The following SORT1 variants were observed in gnomAD, a reference collection of about 807,000 sequenced individuals.
The protein encoded by SORT1 is sortilin 1.
In SORT1, 39 loss-of-function variants were observed where a neutral mutation model predicts 101.7. The observed-to-expected ratio is 0.38, with a 90% CI of 0.30 to 0.50. The LOEUF (loss-of-function observed/expected upper bound fraction) is 0.50. Among genes scored for constraint, SORT1 ranks in the 20% least tolerant of loss-of-function variants. The pLI is 0.90. For missense variants in SORT1, 878 were observed against 1,040.4 expected (o/e 0.84, Z 2.15); for synonymous variants, 396 against 393.7 (o/e 1.01, Z -0.07).
intron 3 of SORT1, chr1:109,367,096 G>A (rs567070770): frequency 5.0e-5 from 11 of 219,570 alleles, no homozygotes; most frequent in Non-Finnish European, 8.9e-5. Flanking sequence ...GCATGGTAGC[G>A]TGTGCCTGCA....
chr1:109,322,927 G>A lies in SORT1; in HGVS notation c.2024+5C>T, dbSNP rs1212271545. On this transcript the variant is annotated splice_donor_5th_base_variant and intron_variant, in intron 15 of 19. Coordinates refer to ENST00000256637, the MANE Select transcript of SORT1 (RefSeq NM_002959.7). ...GAGACAGAGAAATCTGAGGAATGCT[G>A]ATACCAGAGAAAGTCCTCCAGGGAA... 3 of 1,607,460 alleles carry A rather than the reference G, an allele frequency of 1.9e-6. No individual in the cohort carries two copies. Among genetic ancestry groups the A allele is most frequent in the Non-Finnish European group, 2.6e-6 (3 of 1,175,164 alleles).
At position 109,393,336 on chromosome 1, in the gene SORT1, T is replaced by G. The variant is rs1186895568; in HGVS notation, c.306+4251A>C. On this transcript the variant is annotated intron_variant, in intron 1 of 19. Transcript: ENST00000256637. ...AGGACAGAAAATAAGCAAGAGTTCC[T>G]GGCTTTATTCATCATAAGTTTAAAA... The G allele has an allele frequency of 3.0e-6, 3 of 983,958 alleles. No individual in the cohort carries two copies. In the African/African-American group the frequency reaches 5.2e-5, roughly 17 times the overall value. 61.0% of individuals were successfully genotyped at this position (983,958 alleles called of 1,614,324 possible).
In SORT1 at chr1:109,325,054, T is replaced by C. The variant is rs1458493564; in HGVS notation, c.1679A>G (p.Tyr560Cys). 2 of 1,613,266 alleles carry C rather than the reference T, an allele frequency of 1.2e-6. No individual in the cohort carries two copies. The highest frequency in any genetic ancestry group is 1.7e-5 in the Admixed American group (1 of 59,932). Residue 560 changes from tyrosine to cysteine, a missense_variant, in exon 14 of 20, where the codon TAC becomes TGC. Tyr to Cys is a radical substitution (Grantham distance 194). Coordinates refer to ENST00000256637, the MANE Select transcript of SORT1 (RefSeq NM_002959.7). Reference sequence around the variant, plus strand: ...ATAGATGGGGTCCCTGGTGAACGTGTAGGTTTGCCAGCATTGACCTTCGTC... The same window carrying C: ...ATAGATGGGGTCCCTGGTGAACGTGCAGGTTTGCCAGCATTGACCTTCGTC... ...STDEGQCWQT[Y>C]TFTRDPIYFT... is the part of the protein sequence containing the mutation.
At chr1:109,338,550 CAAG>C (rs1227161680) in intron 10 of SORT1, among the ~76,000 whole-genome samples, 1 of 152,178 alleles carries the variant, frequency 6.6e-6, no homozygotes, top group Admixed American at 6.5e-5. Flanking sequence ...GAGTAGAACA[CAAG>C]AAGAACCCTG....
chr1:109,345,699 G>A (rs1649534743), intron 8 of SORT1, 52 bp downstream of exon 8: 51 of 1,518,150 alleles, frequency 3.4e-5, no homozygotes, highest in South Asian at 1.8e-4. Flanking sequence ...GAATCTATAC[G>A]AGAGATATTT....
At chr1:109,376,601 G>T (rs1651874436) in intron 1 of SORT1, among the ~76,000 whole-genome samples, 1 of 152,148 alleles carries the variant, frequency 6.6e-6, no homozygotes, top group South Asian at 2.1e-4. Flanking sequence ...CAGCAACATG[G>T]ATGCACATGG....
chr1:109,384,203 T>C (rs1196051256), intron 1 of SORT1, among the ~76,000 whole-genome samples: 6 of 152,190 alleles, frequency 3.9e-5, no homozygotes, highest in African/African-American at 9.7e-5. Context: ...GCAACCCGGA[T>C]ACTCACCGAA....
At chr1:109,386,754 A>G (rs1313969298) in intron 1 of SORT1, among the ~76,000 whole-genome samples, 1 of 152,226 alleles carries the variant, frequency 6.6e-6, no homozygotes, top group Non-Finnish European at 1.5e-5. Context: ...TTCCATCAAC[A>G]TTCTGGTCCG....
intron 1 of SORT1, 160 bp downstream of exon 1, chr1:109,397,427 C>G (rs1273562798): frequency 4.1e-5 from 13 of 320,462 alleles, no homozygotes; most frequent in Non-Finnish European, 6.0e-5. Context: ...CCGGGCCCGA[C>G]TCCGCCCGCC....
chr1:109,355,877 C>CT (rs577350957), intron 3 of SORT1, among the ~76,000 whole-genome samples: 23 of 147,320 alleles, frequency 1.6e-4, no homozygotes, highest in Middle Eastern at 3.6e-3. Context: ...TGTTTGCAGA[C>CT]TTTTTTTTTT....
At chr1:109,319,156 C>T (rs1449149445) in intron 15 of SORT1, among the ~76,000 whole-genome samples, 1 of 152,206 alleles carries the variant, frequency 6.6e-6, no homozygotes, top group Non-Finnish European at 1.5e-5. Context: ...GTCTTCCCCA[C>T]TTCTGTTCCT....
intron 15 of SORT1, among the ~76,000 whole-genome samples, chr1:109,318,668 CT>C (rs948141507): frequency 1.3e-5 from 2 of 151,004 alleles, no homozygotes; most frequent in Non-Finnish European, 1.5e-5. Flanking sequence ...CCCCTCCCCG[CT>C]TTTTTTTTGA....
chr1:109,325,270 A>AGAG (rs1647918107), intron 13 of SORT1, among the ~76,000 whole-genome samples, 181 bp from the exon 14 acceptor site: 1 of 138,530 alleles, frequency 7.2e-6, no homozygotes. Flanking sequence ...ATGGAGTCTC[A>AGAG]CTCTGTCACC....
intron 15 of SORT1, among the ~76,000 whole-genome samples, chr1:109,320,389 A>G (rs185702293): frequency 2.2e-4 from 34 of 151,718 alleles, no homozygotes; most frequent in Admixed American, 3.9e-4. Flanking sequence ...CTTCCTTCCC[A>G]CTATCTCAGT....
Position 109,367,467 on chromosome 1 carries a change from C to G in SORT1, c.381G>C (p.Leu127Phe), listed in dbSNP as rs1209683968. ...TTACCAGTGGTACATGGAAGGTAGTCAAGACTAGAATGACCTGGAGAGAGA... is the reference window on the plus strand; with the variant it reads ...TTACCAGTGGTACATGGAAGGTAGTGAAGACTAGAATGACCTGGAGAGAGA... ...VGDSTGVILV[L>F]TTFHVPLVIM... Residue 127 changes from leucine to phenylalanine, a missense_variant, in exon 3 of 20, where the codon TTG becomes TTC. Physicochemically the swap from Leu to Phe is conservative, Grantham distance 22. Around this residue, in one of 2 missense-constraint regions of SORT1, gnomAD observed 684 missense variants for 894.5 expected, o/e 0.76. Coordinates refer to ENST00000256637, the MANE Select transcript of SORT1 (RefSeq NM_002959.7). 13 of 1,602,698 alleles carry G rather than the reference C, an allele frequency of 8.1e-6. No individual in the cohort carries two copies. The highest frequency in any genetic ancestry group is 1.3e-5 in the African/African-American group (1 of 74,652).
chr1:109,339,480 G>A (rs1045676441), intron 10 of SORT1, among the ~76,000 whole-genome samples: 6 of 152,134 alleles, frequency 3.9e-5, no homozygotes, highest in African/African-American at 1.4e-4. Flanking sequence ...TGGCCAACGA[G>A]CATATAAAAA....
intron 17 of SORT1, among the ~76,000 whole-genome samples, 157 bp from the exon 18 acceptor site, chr1:109,314,935 TCA>T (rs773663233): frequency 5.9e-5 from 9 of 152,178 alleles, no homozygotes; most frequent in Non-Finnish European, 1.2e-4. Context: ...ATGAACCATC[TCA>T]GTGTTACCAG....
chr1:109,372,340 G>A (rs113440042), intron 1 of SORT1, among the ~76,000 whole-genome samples: 66 of 152,300 alleles, frequency 4.3e-4, no homozygotes, highest in African/African-American at 1.4e-3. Flanking sequence ...ATCTGGTAAA[G>A]GAATCAAGCC....
At chr1:109,333,313 A>C (rs1260482926) in intron 11 of SORT1, among the ~76,000 whole-genome samples, 1 of 152,186 alleles carries the variant, frequency 6.6e-6, no homozygotes, top group Non-Finnish European at 1.5e-5. Context: ...AAACTACTAG[A>C]AGGAAATATA....
Sources: allele counts gnomAD v4.1 joint callset (sites outside exome capture counted in the v4.1 genomes callset), GRCh38; gene constraint gnomAD v4.1.1; regional missense constraint gnomAD v4.1.1; transcripts MANE v1.5; gene names NCBI Gene and HGNC (gene_info 2026-07-23, HGNC 2026-07-21).